The following PITPNC1 variants were observed in gnomAD, a reference collection of about 807,000 sequenced individuals.
PITPNC1 encodes the protein phosphatidylinositol transfer protein cytoplasmic 1.
Under a neutral mutation model 44.7 loss-of-function variants are expected in PITPNC1, and 18 were observed. The ratio of observed to expected loss-of-function variants is 0.40; its 90% CI spans 0.28 to 0.60. The LOEUF (loss-of-function observed/expected upper bound fraction) is 0.60. Ranked by LOEUF, PITPNC1 falls within the 20% of genes least tolerant of loss-of-function variation. The probability of loss-of-function intolerance (pLI) is 0.39; values close to 1 mark genes in which losing one functional copy is unlikely to be tolerated. For synonymous variants in PITPNC1, 141 were observed against 149.6 expected (o/e 0.94, Z 0.42); for missense variants, 290 against 418.4 (o/e 0.69, Z 2.68).
chr17:67,561,478 G>A (rs2916135), intron 4 of PITPNC1, among the ~76,000 whole-genome samples: 122,021 of 151,890 alleles, frequency 0.8, 49,167 homozygotes, highest in Middle Eastern at 0.88. Flanking sequence ...AGGGAATGCA[G>A]AATTGCCCTG....
intron 5 of PITPNC1, among the ~76,000 whole-genome samples, chr17:67,614,163 C>A (rs1369682120): frequency 6.6e-6 from 1 of 151,848 alleles, no homozygotes. Context: ...GTGATACTAA[C>A]ATCTGTCGCT....
At chr17:67,386,431 G>C (rs2038054280) in intron 1 of PITPNC1, among the ~76,000 whole-genome samples, 1 of 152,140 alleles carries the variant, frequency 6.6e-6, no homozygotes, top group African/African-American at 2.4e-5. Flanking sequence ...GACCTCAGGT[G>C]ATCCACCCGC....
intron 1 of PITPNC1, among the ~76,000 whole-genome samples, chr17:67,419,675 G>A (rs555262397): frequency 4.3e-4 from 66 of 152,316 alleles, no homozygotes; most frequent in East Asian, 1.9e-3. Flanking sequence ...GGAGGCCGAC[G>A]CAGGCGGATA....
chr17:67,576,745 T>C (rs1280871876), intron 4 of PITPNC1, among the ~76,000 whole-genome samples: 1 of 152,182 alleles, frequency 6.6e-6, no homozygotes, highest in Non-Finnish European at 1.5e-5. Flanking sequence ...CTGGGTTGCA[T>C]TTGGGGTTTC....
rs923817232 is a variant in PITPNC1, at chr17:67,572,476, G to A, written c.295-5710G>A. Among the ~76,000 whole-genome samples the A allele has an allele frequency of 1.6e-4, 19 of 117,070 alleles. 1 individual carries two copies. The highest frequency in any genetic ancestry group is 3.2e-4 in the Non-Finnish European group (18 of 57,108). 76.8% of individuals were successfully genotyped at this position (117,070 alleles called of 152,430 possible). On this transcript the variant is annotated intron_variant, in intron 4 of 8. Coordinates refer to ENST00000581322, the MANE Select transcript of PITPNC1 (RefSeq NM_012417.4). ...GAAGAAGCTGGGTAAAGCGGGGGGG[G>A]GGGGTAAAGAAGAAGGGGGGTGACT...
At position 67,686,962 on chromosome 17, in the gene PITPNC1, T is replaced by C; in HGVS notation, c.683-5610T>C. The C allele has an allele frequency of 4.4e-6, 3 of 689,592 alleles. No individual in the cohort carries two copies. The East Asian group carries it at 7.6e-5, about 17-fold the overall frequency. 42.7% of individuals were successfully genotyped at this position (689,592 alleles called of 1,614,324 possible). The stretch of plus-strand genomic sequence containing the variant: ...TAAAGTTAGACAAGTCTCTGCTTTT[T>C]TAAACCTCCTTGGCTACTGCTCAGC... On this transcript the variant is annotated intron_variant, in intron 8 of 8. Coordinates refer to ENST00000581322, the MANE Select transcript of PITPNC1 (RefSeq NM_012417.4).
At chr17:67,546,018 G>T (rs2040675182) in intron 2 of PITPNC1, among the ~76,000 whole-genome samples, 1 of 151,872 alleles carries the variant, frequency 6.6e-6, no homozygotes, top group African/African-American at 2.4e-5. Context: ...ATGATGAAAC[G>T]CCATCTCTAG....
chr17:67,436,906 GTGTTTT>G (rs2038944694), intron 1 of PITPNC1, among the ~76,000 whole-genome samples: 1 of 123,582 alleles, frequency 8.1e-6, no homozygotes. Context: ...GAAAATAGGG[GTGTTTT>G]TTTTTTTTTT....
intron 2 of PITPNC1, among the ~76,000 whole-genome samples, chr17:67,549,516 T>C: frequency 6.6e-6 from 1 of 152,140 alleles, no homozygotes. Flanking sequence ...CTAAAATAGA[T>C]TCTAGAATCT....
At chr17:67,449,369 G>A (rs1238492072) in intron 1 of PITPNC1, among the ~76,000 whole-genome samples, 1 of 152,092 alleles carries the variant, frequency 6.6e-6, no homozygotes, top group African/African-American at 2.4e-5. Context: ...GCTTAGATTG[G>A]GTATTGTCAA....
At chr17:67,657,011 A>C (rs1008173038) in intron 6 of PITPNC1, among the ~76,000 whole-genome samples, 2 of 152,206 alleles carry the variant, frequency 1.3e-5, no homozygotes, top group Non-Finnish European at 2.9e-5. Flanking sequence ...ATGAGAAAGA[A>C]AATGACTTCA....
At chr17:67,501,215 G>A (rs190788334) in intron 1 of PITPNC1, among the ~76,000 whole-genome samples, 97 of 152,192 alleles carry the variant, frequency 6.4e-4, no homozygotes, top group Middle Eastern at 3.4e-3. Flanking sequence ...ATCGCAGTTC[G>A]AGTGAATTCT....
chr17:67,481,322 T>C (rs1214784534), intron 1 of PITPNC1, among the ~76,000 whole-genome samples: 2 of 152,156 alleles, frequency 1.3e-5, no homozygotes, highest in African/African-American at 4.8e-5. Flanking sequence ...CCCATATCAC[T>C]CCTGCTCCCA....
intron 1 of PITPNC1, among the ~76,000 whole-genome samples, chr17:67,426,153 G>A (rs1195379177): frequency 6.6e-6 from 1 of 152,148 alleles, no homozygotes; most frequent in Admixed American, 6.5e-5. Context: ...CTTTTACACT[G>A]TTGGTGGGAA....
At chr17:67,460,000 T>G (rs1284091461) in intron 1 of PITPNC1, among the ~76,000 whole-genome samples, 1 of 152,210 alleles carries the variant, frequency 6.6e-6, no homozygotes, top group Non-Finnish European at 1.5e-5. Context: ...TCTATCTCTC[T>G]CGTTTCTTTC....
chr17:67,621,067 T>C (rs1008674461), intron 5 of PITPNC1, among the ~76,000 whole-genome samples: 3 of 152,102 alleles, frequency 2.0e-5, no homozygotes, highest in Admixed American at 6.6e-5. Flanking sequence ...TTGGCCAGTC[T>C]CTTGTATCAC....
intron 1 of PITPNC1, among the ~76,000 whole-genome samples, chr17:67,469,691 G>A (rs1214802853): frequency 6.6e-6 from 1 of 152,116 alleles, no homozygotes; most frequent in African/African-American, 2.4e-5. Context: ...TGAGTGTAGA[G>A]AGAATTGTTC....
chr17:67,668,442 G>T (rs983774289), intron 6 of PITPNC1, among the ~76,000 whole-genome samples: 11 of 152,132 alleles, frequency 7.2e-5, no homozygotes, highest in Admixed American at 5.2e-4. Context: ...CTGTCGTGAG[G>T]CCAGGTATGG....
At chr17:67,465,856 G>A (rs1326053568) in intron 1 of PITPNC1, among the ~76,000 whole-genome samples, 2 of 152,030 alleles carry the variant, frequency 1.3e-5, no homozygotes, top group Non-Finnish European at 2.9e-5. Flanking sequence ...GGATTCTCAT[G>A]GAGATGATGT....
Sources: allele counts gnomAD v4.1 joint callset (sites outside exome capture counted in the v4.1 genomes callset), GRCh38; gene constraint gnomAD v4.1.1; transcripts MANE v1.5; gene names NCBI Gene and HGNC (gene_info 2026-07-23, HGNC 2026-07-21).